CDH5: variants seen among roughly 807,000 people sequenced by gnomAD.
CDH5 encodes the protein cadherin 5.
CDH5 carries 28 observed loss-of-function variants against 62.0 expected under a neutral mutation model. The observed-to-expected ratio is 0.45, with a 90% confidence interval of 0.33 to 0.62. CDH5 has a LOEUF of 0.62. Ranked by LOEUF, CDH5 falls within the 20% of genes least tolerant of loss-of-function variation. The pLI is 0.02. For missense variants in CDH5, 940 were observed against 1,065.1 expected, an observed-to-expected ratio of 0.88 and a Z score of 1.63; for synonymous variants, 464 against 445.8, an observed-to-expected ratio of 1.04 and a Z score of -0.52.
At chr16:66,379,170 AG>A (rs1380663961) in intron 1 of CDH5, 148 bp from the exon 2 acceptor site, 1 of 653,084 alleles carries the variant, frequency 1.5e-6, no homozygotes, top group Non-Finnish European at 2.7e-6. Context: ...GCTCCCTGAA[AG>A]GGGGAACAAT....
At chr16:66,401,222 G>A (rs1204500432) in intron 11 of CDH5, among the ~76,000 whole-genome samples, 1 of 152,198 alleles carries the variant, frequency 6.6e-6, no homozygotes, top group African/African-American at 2.4e-5. Context: ...TGGGGGATGA[G>A]CCAGGGAGGA....
chr16:66,388,629 G>C (rs1308169649), intron 4 of CDH5, among the ~76,000 whole-genome samples, 189 bp downstream of exon 4: 1 of 152,174 alleles, frequency 6.6e-6, no homozygotes, highest in Non-Finnish European at 1.5e-5. Context: ...AAGGAAGCAG[G>C]CAGGTGCCCA....
rs749363918 is a variant in CDH5, at chr16:66,402,816, C to T, written c.2002C>T (p.Arg668Cys). ...YDVSVLNSVR[R>C]GGAKPPRPAL... ...TGTGTCGGTGCTCAACTCGGTGCGC[C>T]GCGGCGGGGCCAAGCCCCCGCGGCC... The change falls in exon 12 of 12, where the codon CGC becomes TGC. Residue 668 changes from arginine to cysteine, a missense_variant. By Grantham distance (180) the Arg-to-Cys change is radical (BLOSUM62 -3). Transcript: ENST00000341529. 8.8e-6 allele frequency: 14 copies of T among 1,598,874 alleles called. No homozygotes were observed. Among genetic ancestry groups the T allele is most frequent in the Non-Finnish European group, 1.2e-5 (14 of 1,173,616 alleles).
rs1027433964 is a variant in CDH5 at position 66,403,711 on chromosome 16, G to A, written c.*542G>A. ...GCTCCAACTCCATACTCCACTCCAAGTGCCCCACCACTCCCCAACCCCTCT... is the reference window on the plus strand; with the variant it reads ...GCTCCAACTCCATACTCCACTCCAAATGCCCCACCACTCCCCAACCCCTCT... On this transcript the variant is annotated 3_prime_UTR_variant, in exon 12 of 12. Transcript: ENST00000341529. This position sits in a 1 kb window ranked among gnomAD's most constrained non-coding sequence, Gnocchi z 4.3. 2 of 161,212 alleles carry A rather than the reference G, an allele frequency of 1.2e-5. No individual in the cohort carries two copies. Among genetic ancestry groups the A allele is most frequent in the African/African-American group, 4.8e-5 (2 of 41,464 alleles). The allele number at this position is 161,212 out of a possible 1,614,324, so 10.0% of individuals were successfully genotyped here. A position where few individuals can be genotyped will look rare whatever the true frequency, so the allele number is the denominator to read the frequency against.
chr16:66,400,812 C>T lies in CDH5; in HGVS notation c.1633C>T (p.Arg545Trp), dbSNP rs376909217. The change falls in exon 11 of 12, where the codon CGG becomes TGG. Residue 545 changes from arginine to tryptophan, a missense_variant. Physicochemically the swap from Arg to Trp is moderately radical, Grantham distance 101. Transcript: ENST00000341529. ...CACAGTCAAGTATGGGCAGTTTGAC[C>T]GGGAGCATACCAAGGTCCACTTCCT... ...NITVKYGQFD[R>W]EHTKVHFLPV... 5.1e-5 allele frequency: 83 copies of T among 1,614,060 alleles called. No individual in the cohort carries two copies. Among genetic ancestry groups the T allele is most frequent in the African/African-American group, 1.1e-4 (8 of 74,946 alleles).
intron 3 of CDH5, among the ~76,000 whole-genome samples, 188 bp from the exon 4 acceptor site, chr16:66,388,136 C>T (rs1596938386): frequency 6.6e-6 from 1 of 152,200 alleles, no homozygotes. Context: ...GTTGACCTGG[C>T]TGGGCCCCCA....
Position 66,402,983 on chromosome 16 carries a change from C to G in CDH5, c.2169C>G (p.Pro723=). 6.2e-7 allele frequency: 1 copy of G among 1,613,416 alleles called. No individual in the cohort carries two copies. The highest frequency in any genetic ancestry group is 8.5e-7 in the Non-Finnish European group (1 of 1,179,904). The change falls in exon 12 of 12, where the codon CCC becomes CCG. Residue 723 remains proline, a synonymous_variant. Coordinates refer to ENST00000341529, the MANE Select transcript of CDH5 (RefSeq NM_001795.5). ...AGGCGGACCACGACGGCGACGGCCC[C>G]CCCTACGACACGCTGCACATCTACG... ...KDEADHDGDG[P]PYDTLHIYGY...
At chr16:66,379,126 TCCTAAAAC>T in intron 1 of CDH5, 185 bp from the exon 2 acceptor site, 1 of 550,106 alleles carries the variant, frequency 1.8e-6, no homozygotes, top group Admixed American at 3.7e-5. Context: ...ACTCATGTTG[TCCTAAAAC>T]CGACCTTTCA....
rs760983483 is a variant in CDH5 at position 66,403,149 on chromosome 16, C to T, written c.2335C>T (p.Arg779Trp). ...MLAELYGSDP[R>W]EELLY is the part of the protein sequence containing the mutation. ...GGCTGAGCTGTACGGCTCGGACCCC[C>T]GGGAGGAGCTGCTGTATTAGGCGGC... The change falls in exon 12 of 12, where the codon CGG becomes TGG. Residue 779 changes from arginine (R) to tryptophan (W), a missense_variant. Transcript: ENST00000341529. This position sits in a 1 kb window ranked among gnomAD's most constrained non-coding sequence, Gnocchi z 4.3. The T allele has an allele frequency of 1.2e-6, 2 of 1,611,972 alleles. No homozygotes were observed. Among genetic ancestry groups the T allele is most frequent in the Non-Finnish European group, 1.7e-6 (2 of 1,179,562 alleles).
chr16:66,389,556 G>T (rs773561465), intron 5 of CDH5, 34 bp downstream of exon 5: 3 of 1,506,332 alleles, frequency 2.0e-6, no homozygotes, highest in Non-Finnish European at 2.7e-6. Context: ...GGGAAGGGGG[G>T]CTGGGATACC....
At chr16:66,387,708 C>A (rs140640481) in intron 3 of CDH5, among the ~76,000 whole-genome samples, 1 of 152,194 alleles carries the variant, frequency 6.6e-6, no homozygotes, top group African/African-American at 2.4e-5. Context: ...TTACATGTGA[C>A]GACTGTCATG....
At chr16:66,390,103 G>A (rs983325463) in intron 5 of CDH5, among the ~76,000 whole-genome samples, 11 of 152,138 alleles carry the variant, frequency 7.2e-5, no homozygotes, top group African/African-American at 2.4e-4. Context: ...TGGCTTCCTC[G>A]TACATGGCAT....
At chr16:66,402,593 G>A in intron 11 of CDH5, 59 bp from the exon 12 acceptor site, 1 of 1,433,486 alleles carries the variant, frequency 7.0e-7, no homozygotes, top group Non-Finnish European at 9.2e-7. Flanking sequence ...ATGGGGGCAT[G>A]GGGGGCCGCC....
chr16:66,391,872 C>T (rs533275415), intron 6 of CDH5, among the ~76,000 whole-genome samples: 9 of 152,318 alleles, frequency 5.9e-5, no homozygotes, highest in African/African-American at 1.2e-4. Context: ...ATGTCCCAAA[C>T]GCTGGAAATA....
intron 1 of CDH5, among the ~76,000 whole-genome samples, chr16:66,367,584 G>T (rs983485877): frequency 2.0e-5 from 3 of 152,218 alleles, no homozygotes; most frequent in African/African-American, 7.2e-5. Flanking sequence ...ATTTGCTCTG[G>T]GGTGACCTTG....
chr16:66,390,718 T>A, intron 6 of CDH5, 128 bp downstream of exon 6: 1 of 825,370 alleles, frequency 1.2e-6, no homozygotes, highest in Non-Finnish European at 1.9e-6. Flanking sequence ...GGTGGTCATG[T>A]GTTCATGGAG....
At chr16:66,390,297 A>G (rs1052177020) in intron 5 of CDH5, 106 bp from the exon 6 acceptor site, 2 of 823,170 alleles carry the variant, frequency 2.4e-6, no homozygotes, top group African/African-American at 3.5e-5. Flanking sequence ...TGATTATTTT[A>G]TTATGCCCAT....
intron 1 of CDH5, among the ~76,000 whole-genome samples, chr16:66,369,934 T>G (rs1435124671): frequency 6.6e-6 from 1 of 152,202 alleles, no homozygotes; most frequent in Non-Finnish European, 1.5e-5. Context: ...AGCCCTGTCT[T>G]AAGAGGTGCC....
intron 2 of CDH5, among the ~76,000 whole-genome samples, chr16:66,386,559 T>A (rs1348986761): frequency 6.6e-6 from 1 of 152,162 alleles, no homozygotes; most frequent in Non-Finnish European, 1.5e-5. Flanking sequence ...GTTAGTTCAC[T>A]TAGGTTCATT....
Sources: gnomAD v4.1 joint callset for allele counts (sites outside exome capture counted in the v4.1 genomes callset) on GRCh38, gnomAD v4.1.1 for gene constraint, Gnocchi (gnomAD v3.1) non-coding constraint, MANE v1.5 for transcripts, NCBI Gene and HGNC (gene_info 2026-07-23, HGNC 2026-07-21) for gene names.